Variants in RBFOX1 observed in about 807,000 individuals in gnomAD.
RBFOX1 encodes RNA binding fox-1 homolog 1.
In RBFOX1, 8 loss-of-function variants were observed where a neutral mutation model predicts 57.7. That is an observed-to-expected ratio of 0.14 (90% CI 0.08 to 0.25). The LOEUF (loss-of-function observed/expected upper bound fraction) is 0.25, where lower values mean the gene tolerates loss of function less well. RBFOX1 is among the 10% of genes least tolerant of loss of function. The pLI is 1.00. For missense variants in RBFOX1, 611 were observed against 548.5 expected, an observed-to-expected ratio of 1.11 and a Z score of -1.14; for synonymous variants, 326 against 222.4, an observed-to-expected ratio of 1.47 and a Z score of -4.15.
intron 3 of RBFOX1, among the ~76,000 whole-genome samples, chr16:5,785,183 A>G (rs74006293): frequency 0.023 from 3,506 of 152,272 alleles, 137 homozygotes; most frequent in African/African-American, 0.078. Context: ...GGTCCTTGCT[A>G]TGTGGTATCT....
intron 1 of RBFOX1, among the ~76,000 whole-genome samples, chr16:6,066,455 T>C (rs988281437): frequency 2.0e-5 from 3 of 152,122 alleles, no homozygotes; most frequent in African/African-American, 7.2e-5. Flanking sequence ...TTTGTTCAGA[T>C]ACAGTGCTGC....
intron 2 of RBFOX1, among the ~76,000 whole-genome samples, chr16:5,500,522 G>A (rs7204067): frequency 0.24 from 36,780 of 152,016 alleles, 7,296 homozygotes; most frequent in African/African-American, 0.55. Flanking sequence ...ATGCCTGGCC[G>A]AGTATCAGGC....
intron 2 of RBFOX1, among the ~76,000 whole-genome samples, chr16:6,553,740 A>G (rs1184726077): frequency 6.6e-6 from 1 of 152,194 alleles, no homozygotes; most frequent in East Asian, 1.9e-4. Context: ...AAGGACAGCA[A>G]AAGGTGATAG....
At chr16:6,591,667 G>A (rs1330376925) in intron 2 of RBFOX1, among the ~76,000 whole-genome samples, 1 of 152,074 alleles carries the variant, frequency 6.6e-6, no homozygotes, top group African/African-American at 2.4e-5. Flanking sequence ...GTGACACGGG[G>A]CAACTCTAGT....
chr16:6,498,910 C>G (rs140839427), intron 2 of RBFOX1, among the ~76,000 whole-genome samples: 12 of 152,276 alleles, frequency 7.9e-5, no homozygotes, highest in Non-Finnish European at 1.8e-4. Flanking sequence ...CTTCTATAGG[C>G]TTATACGGCA....
intron 3 of RBFOX1, among the ~76,000 whole-genome samples, chr16:6,979,897 G>A (rs2088207812): frequency 6.6e-6 from 1 of 152,084 alleles, no homozygotes; most frequent in South Asian, 2.1e-4. Context: ...TGTGGCCACA[G>A]GACAAGATCT....
intron 2 of RBFOX1, among the ~76,000 whole-genome samples, chr16:6,364,544 G>A (rs571738420): frequency 2.5e-4 from 38 of 152,224 alleles, no homozygotes; most frequent in East Asian, 9.7e-4. Context: ...TTTCCCCAGC[G>A]GTGCATGTGA....
intron 4 of RBFOX1, among the ~76,000 whole-genome samples, chr16:5,931,208 A>G (rs2059049352): frequency 6.6e-6 from 1 of 152,072 alleles, no homozygotes; most frequent in Admixed American, 6.5e-5. Context: ...CAATCATCCT[A>G]TTGCTCATGG....
intron 1 of RBFOX1, among the ~76,000 whole-genome samples, chr16:6,106,560 G>A (rs1028408817): frequency 2.6e-5 from 4 of 151,940 alleles, no homozygotes; most frequent in Admixed American, 1.3e-4. Flanking sequence ...TCAATGAGAC[G>A]GTCATGGACT....
intron 1 of RBFOX1, among the ~76,000 whole-genome samples, chr16:6,110,666 A>C (rs937572955): frequency 2.0e-5 from 3 of 152,152 alleles, no homozygotes; most frequent in African/African-American, 7.2e-5. Flanking sequence ...ATAGGAACGG[A>C]GGAGTTGAAT....
rs540710951 is a variant in RBFOX1, at chr16:6,122,202, G to T, written c.-127+102210G>T. 3.9e-5 allele frequency among the ~76,000 whole-genome samples: 6 copies of T among 152,216 alleles called. No homozygotes were observed. In the East Asian group the frequency reaches 1.2e-3, roughly 29 times the overall value. On this transcript the variant is annotated intron_variant, in intron 1 of 15. Coordinates refer to ENST00000550418, the MANE Select transcript of RBFOX1 (RefSeq NM_018723.4). ...ATTACAGGCGTGAGCCACTGTGCCT[G>T]GCCCTTTTTGTTATTTTTTAATGTT...
At chr16:6,030,585 A>G (rs1444079639) in intron 1 of RBFOX1, among the ~76,000 whole-genome samples, 1 of 152,222 alleles carries the variant, frequency 6.6e-6, no homozygotes, top group Admixed American at 6.5e-5. Context: ...ATATTGAATA[A>G]GAAAGCAATA....
intron 2 of RBFOX1, among the ~76,000 whole-genome samples, chr16:6,594,226 A>C (rs1289330203): frequency 6.6e-6 from 1 of 152,216 alleles, no homozygotes; most frequent in Non-Finnish European, 1.5e-5. Flanking sequence ...AATAATGCTG[A>C]ATGTTGGTGA....
chr16:6,417,764 C>G (rs1971680), intron 2 of RBFOX1, among the ~76,000 whole-genome samples: 93,328 of 150,022 alleles, frequency 0.62, 29,613 homozygotes, highest in African/African-American at 0.76. Flanking sequence ...CATAAGTAAG[C>G]TTGTGTCATA....
At chr16:7,569,421 T>C (rs373353252) in intron 5 of RBFOX1, among the ~76,000 whole-genome samples, 1 of 152,072 alleles carries the variant, frequency 6.6e-6, no homozygotes, top group South Asian at 2.1e-4. Context: ...AAATCAGTAA[T>C]GGTGGGTTGA....
intron 1 of RBFOX1, among the ~76,000 whole-genome samples, chr16:5,443,502 TA>T (rs2068149055): frequency 6.6e-6 from 1 of 152,152 alleles, no homozygotes; most frequent in South Asian, 2.1e-4. Flanking sequence ...CACGCCCAGC[TA>T]ATATTTTTGT....
At chr16:5,745,559 G>A (rs567283574) in intron 3 of RBFOX1, among the ~76,000 whole-genome samples, 7 of 152,264 alleles carry the variant, frequency 4.6e-5, no homozygotes, top group East Asian at 1.9e-4. Context: ...AGTCCCACCA[G>A]CAGTGTAAAA....
intron 3 of RBFOX1, among the ~76,000 whole-genome samples, chr16:7,021,241 G>T (rs966195923): frequency 6.6e-6 from 1 of 151,028 alleles, no homozygotes; most frequent in African/African-American, 2.4e-5. Flanking sequence ...GTGTTGCGTC[G>T]GCCCCCACCT....
At chr16:6,990,972 C>T (rs541186687) in intron 3 of RBFOX1, among the ~76,000 whole-genome samples, 51 of 152,056 alleles carry the variant, frequency 3.4e-4, no homozygotes, top group African/African-American at 1.2e-3. Flanking sequence ...TATTTTAAAG[C>T]TCTGTGTCCA....
Sources: gnomAD v4.1 joint callset for allele counts (sites outside exome capture counted in the v4.1 genomes callset) on GRCh38, gnomAD v4.1.1 for gene constraint, MANE v1.5 for transcripts, NCBI Gene and HGNC (gene_info 2026-07-23, HGNC 2026-07-21) for gene names.